TMEM268: variants seen among roughly 807,000 people sequenced by gnomAD.
TMEM268 encodes transmembrane protein C9orf91.
A neutral mutation model predicts 39.1 loss-of-function variants in TMEM268; 24 were observed. The observed-to-expected ratio is 0.61, with a 90% CI of 0.44 to 0.86. The LOEUF is 0.86. TMEM268 is among the 40% of genes least tolerant of loss of function. TMEM268 has a pLI of 0.00. For missense variants in TMEM268, 409 were observed against 428.6 expected, an observed-to-expected ratio of 0.95 and a Z score of 0.40; for synonymous variants, 176 against 173.5, an observed-to-expected ratio of 1.01 and a Z score of -0.12.
chr9:114,636,858 A>G (rs1300709378), intron 6 of TMEM268, 132 bp from the exon 7 acceptor site: 9 of 631,304 alleles, frequency 1.4e-5, no homozygotes, highest in Non-Finnish European at 2.3e-5. Context: ...AACCATACAA[A>G]TGAGACATTG....
chr9:114,634,467 C>T (rs10982345), intron 6 of TMEM268, among the ~76,000 whole-genome samples: 31,955 of 152,002 alleles, frequency 0.21, 3,608 homozygotes, highest in African/African-American at 0.29. Context: ...TTCTCTTTGC[C>T]CCGAAGGTTG....
upstream of TMEM268, among the ~76,000 whole-genome samples, chr9:114,610,293 C>T (rs1308450358): frequency 2.0e-5 from 3 of 152,192 alleles, no homozygotes; most frequent in Admixed American, 1.3e-4. Flanking sequence ...CCCGCCTCGG[C>T]CTCCCAAAGT....
At chr9:114,633,959 C>T in intron 6 of TMEM268, 81 bp downstream of exon 6, 1 of 724,338 alleles carries the variant, frequency 1.4e-6, no homozygotes, top group South Asian at 2.0e-5. Flanking sequence ...CATGTTCTCC[C>T]AGCCTACACA....
intron 1 of TMEM268, among the ~76,000 whole-genome samples, chr9:114,613,460 G>A (rs976799482): frequency 6.6e-6 from 1 of 152,226 alleles, no homozygotes; most frequent in Admixed American, 6.5e-5. Context: ...ATGGATCTCA[G>A]AATTATATCT....
At chr9:114,611,903 C>G (rs1423930211) in intron 1 of TMEM268, among the ~76,000 whole-genome samples, 1 of 152,204 alleles carries the variant, frequency 6.6e-6, no homozygotes, top group Non-Finnish European at 1.5e-5. Flanking sequence ...GACAGCTGCC[C>G]AAGGCCAAGG....
intron 8 of TMEM268, 30 bp downstream of exon 8, chr9:114,638,756 T>C: frequency 6.7e-7 from 1 of 1,499,954 alleles, no homozygotes; most frequent in Non-Finnish European, 8.9e-7. Flanking sequence ...GTTGGGGCCA[T>C]CTTCCCTCGG....
intron 2 of TMEM268, chr9:114,621,981 C>G (rs568583848): frequency 2.2e-6 from 1 of 458,816 alleles, no homozygotes; most frequent in South Asian, 9.3e-5. Context: ...GTGGAAGATG[C>G]ATTGTAGAAG....
intron 2 of TMEM268, among the ~76,000 whole-genome samples, chr9:114,621,775 T>A (rs917985537): frequency 6.6e-6 from 1 of 152,038 alleles, no homozygotes; most frequent in Non-Finnish European, 1.5e-5. Context: ...GAGAACATCA[T>A]GTTCAGGGAC....
At chr9:114,630,014 T>G (rs1448983349) in intron 5 of TMEM268, among the ~76,000 whole-genome samples, 1 of 152,188 alleles carries the variant, frequency 6.6e-6, no homozygotes, top group Non-Finnish European at 1.5e-5. Flanking sequence ...GCAAAGTGTT[T>G]TGTTTTAGTT....
intron 1 of TMEM268, among the ~76,000 whole-genome samples, chr9:114,613,765 G>T (rs1323630591): frequency 6.6e-6 from 1 of 152,080 alleles, no homozygotes; most frequent in Non-Finnish European, 1.5e-5. Flanking sequence ...GTTTTGTTTT[G>T]TTTTGTAAGG....
chr9:114,611,797 G>A (rs1042122774), intron 1 of TMEM268, among the ~76,000 whole-genome samples: 5 of 152,142 alleles, frequency 3.3e-5, no homozygotes, highest in African/African-American at 7.2e-5. Flanking sequence ...GGGGCCCGCG[G>A]TTGGGGAGGG....
rs897554756 is a variant in TMEM268 at position 114,613,583 on chromosome 9, C to T, written c.-79+2019C>T. Among the ~76,000 whole-genome samples, 10 of 152,096 alleles carry T rather than the reference C, an allele frequency of 6.6e-5. No homozygotes were observed. The South Asian group carries it at 8.3e-4, about 13-fold the overall frequency. The stretch of plus-strand genomic sequence containing the variant: ...TTGTTGGTACAGGAAGAAAGTAAGG[C>T]GTGATGAGAGTGAGAAACACTTAGC... On this transcript the variant is annotated intron_variant, in intron 1 of 8. Coordinates refer to ENST00000288502, the MANE Select transcript of TMEM268 (RefSeq NM_153045.4).
At chr9:114,616,262 G>T (rs1845707258) in intron 1 of TMEM268, among the ~76,000 whole-genome samples, 1 of 150,046 alleles carries the variant, frequency 6.7e-6, no homozygotes, top group Admixed American at 6.6e-5. Context: ...TGATGTGCCA[G>T]CCTCGGCCTC....
chr9:114,635,102 A>G (rs1043079597), intron 6 of TMEM268, among the ~76,000 whole-genome samples: 1 of 152,130 alleles, frequency 6.6e-6, no homozygotes, highest in African/African-American at 2.4e-5. Flanking sequence ...GCACTTTGGG[A>G]GGCTGAGGCG....
intron 5 of TMEM268, among the ~76,000 whole-genome samples, chr9:114,632,146 T>G (rs1186060508): frequency 1.3e-5 from 2 of 148,966 alleles, no homozygotes; most frequent in Non-Finnish European, 3.0e-5. Context: ...TAAACTGGAG[T>G]TAGGTTGGCT....
At chr9:114,613,441 G>T (rs1274967289) in intron 1 of TMEM268, among the ~76,000 whole-genome samples, 1 of 152,176 alleles carries the variant, frequency 6.6e-6, no homozygotes, top group Non-Finnish European at 1.5e-5. Flanking sequence ...TTCGTTTCTT[G>T]TCTGGAACAT....
intron 4 of TMEM268, among the ~76,000 whole-genome samples, 163 bp downstream of exon 4, chr9:114,627,169 A>C (rs1210432000): frequency 1.3e-5 from 2 of 152,204 alleles, no homozygotes; most frequent in African/African-American, 4.8e-5. Context: ...ATTTGGGATC[A>C]GAGGAAATTT....
chr9:114,606,933 C>T (rs1281291293), upstream of TMEM268, among the ~76,000 whole-genome samples: 1 of 152,188 alleles, frequency 6.6e-6, no homozygotes, highest in East Asian at 1.9e-4. Flanking sequence ...ACTTACTCAT[C>T]CAGCAGTTCT....
intron 3 of TMEM268, among the ~76,000 whole-genome samples, chr9:114,624,885 A>G (rs112472756): frequency 0.014 from 2,098 of 152,362 alleles, 49 homozygotes; most frequent in African/African-American, 0.048. Flanking sequence ...AAAGCTTTGC[A>G]GAGGAGCAGA....
Sources: gnomAD v4.1 joint callset for allele counts (sites outside exome capture counted in the v4.1 genomes callset) on GRCh38, gnomAD v4.1.1 for gene constraint, MANE v1.5 for transcripts, NCBI Gene and HGNC (gene_info 2026-07-23, HGNC 2026-07-21) for gene names.